The following METTL15 variants were observed in gnomAD, a reference collection of about 807,000 sequenced individuals.
The protein encoded by METTL15 is methyltransferase 15, mitochondrial 12S rRNA N4-cytidine, also known as 12S rRNA N(4)-cytidine methyltransferase METTL15.
A neutral mutation model predicts 38.3 loss-of-function variants in METTL15; 34 were observed. That is an observed-to-expected ratio of 0.89 (90% CI 0.68 to 1.18). The LOEUF is 1.18. Among genes scored for constraint, METTL15 ranks in the 50% most tolerant of loss-of-function variants. The probability of loss-of-function intolerance (pLI) is 0.00; values close to 1 mark genes in which losing one functional copy is unlikely to be tolerated. For missense variants in METTL15, 438 were observed against 498.4 expected (o/e 0.88, Z 1.15); for synonymous variants, 162 against 170.9 (o/e 0.95, Z 0.41).
chr11:28,230,752 A>T (rs972940141), intron 4 of METTL15, among the ~76,000 whole-genome samples: 4 of 151,932 alleles, frequency 2.6e-5, no homozygotes, highest in African/African-American at 9.7e-5. Context: ...ATTTAAAGTA[A>T]AACTGAGACA....
intron 3 of METTL15, among the ~76,000 whole-genome samples, chr11:28,132,481 C>T (rs997212386): frequency 6.6e-5 from 10 of 151,108 alleles, no homozygotes; most frequent in African/African-American, 2.4e-4. Context: ...GTGTTTTAAA[C>T]TGGTTGAAAA....
intron 6 of METTL15, among the ~76,000 whole-genome samples, chr11:28,321,868 A>G (rs192954475): frequency 1.2e-3 from 147 of 127,622 alleles, no homozygotes; most frequent in Non-Finnish European, 1.7e-3. Flanking sequence ...AAACGCATCA[A>G]TGGAACACAA....
At chr11:28,469,822 C>G (rs1329156369) in intron 6 of METTL15, among the ~76,000 whole-genome samples, 1 of 151,816 alleles carries the variant, frequency 6.6e-6, no homozygotes, top group East Asian at 1.9e-4. Context: ...AAACAGGACA[C>G]GGGAATGTAA....
intron 4 of METTL15, among the ~76,000 whole-genome samples, chr11:28,267,362 C>T (rs1855467063): frequency 1.3e-5 from 2 of 152,050 alleles, no homozygotes; most frequent in Admixed American, 1.3e-4. Flanking sequence ...ATGTTCTTCT[C>T]TCACTTTTTC....
At chr11:28,240,397 A>T (rs1326797793) in intron 4 of METTL15, among the ~76,000 whole-genome samples, 1 of 152,222 alleles carries the variant, frequency 6.6e-6, no homozygotes, top group Non-Finnish European at 1.5e-5. Context: ...CTATGAAACT[A>T]TAGTTGTAAA....
chr11:28,163,249 A>T (rs1220076751), intron 3 of METTL15: 6 of 395,654 alleles, frequency 1.5e-5, no homozygotes, highest in Admixed American at 4.4e-5. Context: ...TGTTTTGATG[A>T]TTAATTTGTT....
chr11:28,408,603 T>C (rs1850697163), intron 5 of METTL15, among the ~76,000 whole-genome samples: 1 of 152,162 alleles, frequency 6.6e-6, no homozygotes, highest in South Asian at 2.1e-4. Context: ...GATAAATAAA[T>C]GATCATATGG....
intron 3 of METTL15, among the ~76,000 whole-genome samples, chr11:28,178,676 G>A (rs1269626563): frequency 6.6e-6 from 1 of 151,594 alleles, no homozygotes; most frequent in African/African-American, 2.4e-5. Context: ...TTGTCTGTAT[G>A]TGTTACTTTT....
chr11:28,470,472 G>A (rs925622996), intron 6 of METTL15, among the ~76,000 whole-genome samples: 9 of 152,004 alleles, frequency 5.9e-5, no homozygotes, highest in African/African-American at 1.9e-4. Context: ...CCTTTCTCCC[G>A]CTTCCTACTT....
chr11:28,337,064 C>A (rs1198772946), downstream of METTL15, among the ~76,000 whole-genome samples: 1 of 151,494 alleles, frequency 6.6e-6, no homozygotes, highest in African/African-American at 2.4e-5. Context: ...TAGTTTTTAA[C>A]TAAAAAGTTT....
chr11:28,420,673 A>G (rs867962869), intron 5 of METTL15, among the ~76,000 whole-genome samples: 1 of 152,132 alleles, frequency 6.6e-6, no homozygotes, highest in Non-Finnish European at 1.5e-5. Flanking sequence ...GAAACAAATC[A>G]TAATGGAAAC....
Position 28,321,163 on chromosome 11 carries a change from T to G in METTL15, c.779-9233T>G, listed in dbSNP as rs78992803. Among the ~76,000 whole-genome samples, 8 of 152,308 alleles carry G rather than the reference T, an allele frequency of 5.3e-5. No individual in the cohort carries two copies. In the East Asian group the frequency reaches 1.5e-3, roughly 29 times the overall value. On this transcript the variant is annotated intron_variant, in intron 6 of 6. Transcript: ENST00000407364. ...TACAACTGAGAAGAATAAGTAACTG[T>G]GTTATGCCATTCATAAAATGAGTAC... is the stretch of plus-strand genomic sequence containing the variant.
chr11:28,122,226 T>G, intron 3 of METTL15: 1 of 1,193,472 alleles, frequency 8.4e-7, no homozygotes, highest in Non-Finnish European at 1.1e-6. Flanking sequence ...TGGATTATAT[T>G]TTTTATAAAA....
intron 3 of METTL15, among the ~76,000 whole-genome samples, chr11:28,199,241 CTT>C (rs1473154111): frequency 2.6e-5 from 4 of 152,004 alleles, no homozygotes; most frequent in African/African-American, 9.7e-5. Flanking sequence ...ATACTTAGAA[CTT>C]AGTGTTTTTA....
rs1028700241 is a variant in METTL15 at position 28,356,550 on chromosome 11, G to A, written c.*258+4392G>A. Among the ~76,000 whole-genome samples, 5 of 152,148 alleles carry A rather than the reference G, an allele frequency of 3.3e-5. No homozygotes were observed. The East Asian group carries it at 7.7e-4, about 23-fold the overall frequency. The stretch of plus-strand genomic sequence containing the variant: ...ACTCTCTGCAGGAAAGTTTCCAAAG[G>A]CCAGGGTTTGTTTAGAAAGAAAGCC... On this transcript the variant is annotated intron_variant and NMD_transcript_variant, in intron 4 of 7. Coordinates refer to the METTL15 transcript ENST00000532947.
intron 5 of METTL15, among the ~76,000 whole-genome samples, chr11:28,390,008 C>T (rs1448534016): frequency 2.0e-5 from 3 of 151,862 alleles, no homozygotes; most frequent in Non-Finnish European, 1.5e-5. Context: ...TTTCATGTGT[C>T]TTTTGGCTGC....
At position 28,330,841 on chromosome 11, in the gene METTL15, A is replaced by T; in HGVS notation, c.1224A>T (p.Ter408TyrextTer38). The change falls in exon 7 of 7, where the codon TAA becomes TAT. Residue 408 changes from the stop codon to tyrosine, a stop_lost. Transcript: ENST00000407364. ...AGCTTAGAGCAGCTATCAAATTATA[A>T]GTTATCATCATCTTATTCTTCAAAT... ...SAKLRAAIKL* is the reference protein window; with the variant it reads ...SAKLRAAIKLY The T allele has an allele frequency of 6.5e-7, 1 of 1,527,918 alleles. No homozygotes were observed. The highest frequency in any genetic ancestry group is 8.8e-7 in the Non-Finnish European group (1 of 1,138,840). The allele number at this position is 1,527,918 out of a possible 1,614,324, so 94.6% of individuals were successfully genotyped here.
intron 5 of METTL15, among the ~76,000 whole-genome samples, chr11:28,369,377 A>T (rs868404810): frequency 6.6e-6 from 1 of 152,222 alleles, no homozygotes; most frequent in Middle Eastern, 3.4e-3. Context: ...TAGTGAGCTT[A>T]TGTGAGGAAA....
intron 3 of METTL15, among the ~76,000 whole-genome samples, chr11:28,177,680 T>G (rs569808088): frequency 5.9e-5 from 9 of 152,084 alleles, no homozygotes; most frequent in African/African-American, 2.2e-4. Flanking sequence ...TACATTTAAT[T>G]TATTAATTTT....
Sources: gnomAD v4.1 joint callset for allele counts (sites outside exome capture counted in the v4.1 genomes callset) on GRCh38, gnomAD v4.1.1 for gene constraint, MANE v1.5 for transcripts, NCBI Gene and HGNC (gene_info 2026-07-23, HGNC 2026-07-21) for gene names.